The following SGCE variants were observed in gnomAD, a reference collection of about 807,000 sequenced individuals.
SGCE encodes sarcoglycan epsilon.
A neutral mutation model predicts 57.8 loss-of-function variants in SGCE; 26 were observed. The ratio of observed to expected loss-of-function variants is 0.45; its 90% CI spans 0.33 to 0.62. The LOEUF is 0.62. Among genes scored for constraint, SGCE ranks in the 20% least tolerant of loss-of-function variants. The probability of loss-of-function intolerance (pLI) is 0.02; values close to 1 mark genes in which losing one functional copy is unlikely to be tolerated. For synonymous variants in SGCE, 183 were observed against 189.5 expected (o/e 0.97, Z 0.28); for missense variants, 468 against 548.6 (o/e 0.85, Z 1.47).
intron 1 of SGCE, among the ~76,000 whole-genome samples, chr7:94,639,620 G>T (rs889473554): frequency 6.6e-6 from 1 of 152,118 alleles, no homozygotes; most frequent in Non-Finnish European, 1.5e-5. Context: ...AGTATGTGGG[G>T]ATACAAGACA....
intron 1 of SGCE, among the ~76,000 whole-genome samples, chr7:94,641,322 C>A (rs1199250952): frequency 6.6e-6 from 1 of 152,114 alleles, no homozygotes; most frequent in African/African-American, 2.4e-5. Context: ...GATGTAGATG[C>A]AGAAATTACA....
intron 1 of SGCE, among the ~76,000 whole-genome samples, chr7:94,635,945 A>G (rs1805542564): frequency 6.6e-6 from 1 of 152,108 alleles, no homozygotes; most frequent in Admixed American, 6.6e-5. Context: ...TTTCAGTCAC[A>G]GATAGTCCAT....
intron 10 of SGCE, 47 bp downstream of exon 10, chr7:94,588,642 C>T (rs1003472182): frequency 1.7e-5 from 26 of 1,566,394 alleles, no homozygotes; most frequent in Middle Eastern, 1.8e-4. Context: ...ATCTTTTAAT[C>T]TATTAGATTC....
At chr7:94,651,167 C>G (rs900670606) in intron 1 of SGCE, among the ~76,000 whole-genome samples, 1 of 152,214 alleles carries the variant, frequency 6.6e-6, no homozygotes, top group Admixed American at 6.5e-5. Flanking sequence ...ACAAAGTCAT[C>G]TCCATACTTC....
chr7:94,600,964 C>G (rs1369917276), intron 6 of SGCE, 107 bp from the exon 7 acceptor site: 2 of 929,266 alleles, frequency 2.2e-6, no homozygotes, highest in African/African-American at 1.6e-5. Context: ...TCTAAAAAGC[C>G]ATCTTTTCCA....
intron 1 of SGCE, chr7:94,639,527 C>A (rs184600249): frequency 3.7e-6 from 3 of 816,974 alleles, no homozygotes; most frequent in East Asian, 2.7e-5. Context: ...AGATCACCTA[C>A]AATTAACTGG....
chr7:94,636,535 A>C (rs1264055819), intron 1 of SGCE, among the ~76,000 whole-genome samples: 1 of 152,196 alleles, frequency 6.6e-6, no homozygotes, highest in Non-Finnish European at 1.5e-5. Flanking sequence ...AAAATAGAAA[A>C]AAGGAAGAGT....
At chr7:94,630,692 C>T (rs991301105) in intron 1 of SGCE, among the ~76,000 whole-genome samples, 2 of 151,906 alleles carry the variant, frequency 1.3e-5, no homozygotes, top group African/African-American at 4.8e-5. Context: ...TGCCGTTACT[C>T]TTGTCACTTC....
chr7:94,626,160 T>C (rs569123795), intron 3 of SGCE: 2 of 152,240 alleles, frequency 1.3e-5, no homozygotes, highest in South Asian at 2.1e-4. Flanking sequence ...CAGGATTTCG[T>C]TTTTATTTTA....
chr7:94,616,220 G>A (rs1801915244), intron 5 of SGCE, among the ~76,000 whole-genome samples: 1 of 152,104 alleles, frequency 6.6e-6, no homozygotes, highest in Admixed American at 6.6e-5. Context: ...TTACTCTGAG[G>A]TTCTACTACT....
At chr7:94,647,036 C>CT (rs1166900133) in intron 1 of SGCE, among the ~76,000 whole-genome samples, 5 of 152,192 alleles carry the variant, frequency 3.3e-5, no homozygotes, top group Non-Finnish European at 5.9e-5. Flanking sequence ...ATACCGTGCT[C>CT]TTTTTTGCAT....
chr7:94,612,744 T>C (rs1801245245), intron 5 of SGCE, among the ~76,000 whole-genome samples: 1 of 152,162 alleles, frequency 6.6e-6, no homozygotes, highest in African/African-American at 2.4e-5. Context: ...TTCAACTTAA[T>C]ATGTTCCAAA....
chr7:94,632,261 A>T (rs1321978787), intron 1 of SGCE, among the ~76,000 whole-genome samples: 1 of 152,020 alleles, frequency 6.6e-6, no homozygotes, highest in African/African-American at 2.4e-5. Flanking sequence ...TGCCCTCCAC[A>T]GGTCCTGAAG....
intron 5 of SGCE, among the ~76,000 whole-genome samples, chr7:94,604,622 C>T (rs1226812142): frequency 6.7e-6 from 1 of 149,864 alleles, no homozygotes; most frequent in Non-Finnish European, 1.5e-5. Flanking sequence ...GGTACCAAGA[C>T]AATTCAAAAA....
chr7:94,655,866 G>T (rs1808579680), intron 1 of SGCE, 124 bp downstream of exon 1: 4 of 685,282 alleles, frequency 5.8e-6, no homozygotes, highest in Non-Finnish European at 8.0e-6. Flanking sequence ...GTACGGTGGG[G>T]TCCGGGACAG....
intron 5 of SGCE, among the ~76,000 whole-genome samples, chr7:94,603,747 T>TG: frequency 6.6e-6 from 1 of 151,630 alleles, no homozygotes; most frequent in South Asian, 2.1e-4. Context: ...TAAACATGCA[T>TG]CATATTCTGA....
chr7:94,596,803 A>G (rs17166375), intron 9 of SGCE, among the ~76,000 whole-genome samples: 10,933 of 152,074 alleles, frequency 0.072, 450 homozygotes, highest in East Asian at 0.13. Context: ...TGTTGCTACT[A>G]CTTTTTTCCA....
intron 10 of SGCE, chr7:94,587,346 T>C: frequency 9.8e-7 from 1 of 1,017,802 alleles, no homozygotes. Context: ...TTTTAAATAC[T>C]CAAAATAAAT....
rs923580217 is a variant in SGCE at position 94,624,868 on chromosome 7, A to C, written c.391-1471T>G. The C allele has an allele frequency of 2.0e-5, 3 of 152,028 alleles. No homozygotes were observed. In the East Asian group the frequency reaches 5.8e-4, roughly 29 times the overall value. 9.4% of individuals were successfully genotyped at this position (152,028 alleles called of 1,614,324 possible). On this transcript the variant is annotated intron_variant, in intron 3 of 10. Transcript: ENST00000648936. ...ATTATAAGTTTCATAAATTCCAATA[A>C]ATGTCTTTATTTTTAAATAATGCAG... is the stretch of plus-strand genomic sequence containing the variant.
Sources: gnomAD v4.1 joint callset for allele counts (sites outside exome capture counted in the v4.1 genomes callset) on GRCh38, gnomAD v4.1.1 for gene constraint, MANE v1.5 for transcripts, NCBI Gene and HGNC (gene_info 2026-07-23, HGNC 2026-07-21) for gene names.